Variants in ZDHHC21 observed in about 807,000 individuals in gnomAD.
ZDHHC21 encodes palmitoyltransferase ZDHHC21.
ZDHHC21 carries 15 observed loss-of-function variants against 34.6 expected under a neutral mutation model. The ratio of observed to expected loss-of-function variants is 0.43; its 90% confidence interval spans 0.29 to 0.67. ZDHHC21 has a LOEUF of 0.67. ZDHHC21 is among the 30% of genes least tolerant of loss of function. The pLI, the probability that ZDHHC21 is intolerant of heterozygous loss-of-function variation, is 0.14. For missense variants in ZDHHC21, 344 were observed against 327.7 expected (o/e 1.05, Z -0.38); for synonymous variants, 142 against 101.8 (o/e 1.40, Z -2.38).
intron 7 of ZDHHC21, among the ~76,000 whole-genome samples, chr9:14,650,530 A>C (rs1016803359): frequency 6.6e-6 from 1 of 152,030 alleles, no homozygotes; most frequent in African/African-American, 2.4e-5. Context: ...GTTATTATTA[A>C]GGCTACAATA....
At chr9:14,650,634 C>T (rs966179102) in intron 7 of ZDHHC21, among the ~76,000 whole-genome samples, 1 of 151,928 alleles carries the variant, frequency 6.6e-6, no homozygotes, top group East Asian at 1.9e-4. Context: ...ATATTCAAAG[C>T]TACCTGCAGC....
intron 3 of ZDHHC21, among the ~76,000 whole-genome samples, chr9:14,676,375 G>A (rs1031061494): frequency 6.6e-6 from 1 of 151,812 alleles, no homozygotes; most frequent in Non-Finnish European, 1.5e-5. Context: ...ATCCCTTAGA[G>A]GCCTTGCCCA....
At chr9:14,685,647 G>C (rs978605623) in intron 2 of ZDHHC21, among the ~76,000 whole-genome samples, 53 of 152,280 alleles carry the variant, frequency 3.5e-4, no homozygotes, top group African/African-American at 1.2e-3. Context: ...ACAGTGTGGC[G>C]ATTCCTCAAG....
At chr9:14,657,323 C>G (rs1832428800) in intron 7 of ZDHHC21, among the ~76,000 whole-genome samples, 1 of 152,078 alleles carries the variant, frequency 6.6e-6, no homozygotes, top group Admixed American at 6.5e-5. Flanking sequence ...TATATACCAG[C>G]TAAGTTTACA....
At chr9:14,629,199 G>C (rs1826867109) in intron 8 of ZDHHC21, among the ~76,000 whole-genome samples, 1 of 152,304 alleles carries the variant, frequency 6.6e-6, no homozygotes, top group South Asian at 2.1e-4. Context: ...ACAGTGCTCT[G>C]AGAGGTTACT....
chr9:14,676,629 A>G (rs1010985896), intron 3 of ZDHHC21, among the ~76,000 whole-genome samples: 1 of 152,014 alleles, frequency 6.6e-6, no homozygotes, highest in Non-Finnish European at 1.5e-5. Flanking sequence ...TAAACTAATA[A>G]AAGTTTCATT....
At chr9:14,602,271 GAA>G in the ZDHHC21 span, among the ~76,000 whole-genome samples, 1 of 151,986 alleles carries the variant, frequency 6.6e-6, no homozygotes, top group Non-Finnish European at 1.5e-5. Context: ...TTCTCAACTT[GAA>G]GACAGGTCAT....
At chr9:14,597,431 A>G in the ZDHHC21 span, among the ~76,000 whole-genome samples, 1 of 152,140 alleles carries the variant, frequency 6.6e-6, no homozygotes, top group African/African-American at 2.4e-5. Context: ...TCTGGCACAA[A>G]GGGAGCTGAA....
intron 6 of ZDHHC21, among the ~76,000 whole-genome samples, chr9:14,661,440 A>G (rs981180839): frequency 1.3e-5 from 2 of 152,208 alleles, no homozygotes; most frequent in African/African-American, 4.8e-5. Flanking sequence ...AATACTACAT[A>G]TATGTATACA....
chr9:14,640,587 T>C (rs552408570), intron 7 of ZDHHC21, among the ~76,000 whole-genome samples: 2 of 152,080 alleles, frequency 1.3e-5, no homozygotes, highest in East Asian at 1.9e-4. Context: ...CCAACCACCA[T>C]TGCCAAGCAT....
intron 8 of ZDHHC21, chr9:14,622,727 A>G: frequency 1.0e-6 from 1 of 985,358 alleles, no homozygotes; most frequent in Non-Finnish European, 1.2e-6. Context: ...ACAATCTGTT[A>G]TATGACTATC....
Position 14,683,457 on chromosome 9 carries a change from G to A in ZDHHC21, c.-175-3295C>T, listed in dbSNP as rs1008077502. The A allele has an allele frequency of 2.4e-4, 36 of 152,178 alleles. 1 individual carries two copies. The highest frequency in any genetic ancestry group is 8.7e-4 in the African/African-American group (36 of 41,516). The allele number at this position is 152,178 out of a possible 1,614,324, so 9.4% of individuals were successfully genotyped here. ...ATAAACTAGAAAATCTAGAAGAAAT[G>A]GATAAATTCCTGGACACATACACCC... On this transcript the variant is annotated intron_variant, in intron 2 of 9. Transcript: ENST00000380916.
intron 7 of ZDHHC21, among the ~76,000 whole-genome samples, chr9:14,649,717 T>G (rs1054779326): frequency 1.3e-5 from 2 of 152,072 alleles, no homozygotes; most frequent in African/African-American, 2.4e-5. Flanking sequence ...TGTATGCAAT[T>G]GTCTTACAGA....
chr9:14,626,138 AG>A (rs1303195915), intron 8 of ZDHHC21, among the ~76,000 whole-genome samples: 5 of 152,032 alleles, frequency 3.3e-5, no homozygotes, highest in Non-Finnish European at 5.9e-5. Flanking sequence ...TACTTTGATA[AG>A]ATTTTTGGTT....
intron 7 of ZDHHC21, among the ~76,000 whole-genome samples, chr9:14,640,961 TG>T: frequency 6.6e-6 from 1 of 152,284 alleles, no homozygotes; most frequent in African/African-American, 2.4e-5. Context: ...AGACTTCTCC[TG>T]GAAATCTGCT....
At chr9:14,681,730 G>GGTGTGTGTGTGTGTGT (rs34935934) in intron 2 of ZDHHC21, among the ~76,000 whole-genome samples, 4 of 148,572 alleles carry the variant, frequency 2.7e-5, no homozygotes, top group Middle Eastern at 3.4e-3. Context: ...TAAGGGGAAT[G>GGTGTGTGTGTGTGTGT]GTGTGTGTGT....
chr9:14,643,631 C>G (rs1323952568), intron 7 of ZDHHC21, among the ~76,000 whole-genome samples: 2 of 152,236 alleles, frequency 1.3e-5, no homozygotes, highest in African/African-American at 4.8e-5. Context: ...TCTTGTAAAG[C>G]CTTTTAAAAG....
At chr9:14,677,553 C>T (rs1224582350) in intron 3 of ZDHHC21, 3 of 152,006 alleles carry the variant, frequency 2.0e-5, no homozygotes, top group African/African-American at 7.2e-5. Context: ...AAAATACTTT[C>T]ATTAGCTGGA....
At chr9:14,629,902 C>T (rs1419822476) in intron 8 of ZDHHC21, among the ~76,000 whole-genome samples, 1 of 152,094 alleles carries the variant, frequency 6.6e-6, no homozygotes, top group African/African-American at 2.4e-5. Flanking sequence ...CAAAAATTAG[C>T]TGGCGTGTTG....
Sources: allele counts gnomAD v4.1 joint callset (sites outside exome capture counted in the v4.1 genomes callset), GRCh38; gene constraint gnomAD v4.1.1; transcripts MANE v1.5; gene names NCBI Gene and HGNC (gene_info 2026-07-23, HGNC 2026-07-21).